TDRD5: variants seen among roughly 807,000 people sequenced by gnomAD.
The protein encoded by TDRD5 is tudor domain containing 5.
A neutral mutation model predicts 120.6 loss-of-function variants in TDRD5; 41 were observed. The ratio of observed to expected loss-of-function variants is 0.34; its 90% CI spans 0.26 to 0.44. The LOEUF (loss-of-function observed/expected upper bound fraction) is 0.44. TDRD5 is among the 20% of genes least tolerant of loss of function. The probability of loss-of-function intolerance (pLI) is 1.00; values close to 1 mark genes in which losing one functional copy is unlikely to be tolerated. For missense variants in TDRD5, 1,006 were observed against 1,221.2 expected (o/e 0.82, Z 2.63); for synonymous variants, 430 against 433.7 (o/e 0.99, Z 0.11).
intron 4 of TDRD5, among the ~76,000 whole-genome samples, chr1:179,610,043 A>T (rs1676201571): frequency 6.6e-6 from 1 of 152,146 alleles, no homozygotes; most frequent in East Asian, 1.9e-4. Context: ...AGGGTGTAGG[A>T]GGGGTGGGTT....
At position 179,614,072 on chromosome 1, in the gene TDRD5, CTG is replaced by C. The variant is rs1219857347; in HGVS notation, c.832-4525_832-4524del. Among the ~76,000 whole-genome samples, 20 of 152,216 alleles carry C rather than the reference CTG, an allele frequency of 1.3e-4. No homozygotes were observed. In the East Asian group the frequency reaches 3.7e-3, roughly 28 times the overall value. ...TAATGTTTCTAAATTATCCAGGTGT[CTG>C]TTTTTAAATTTTTTTATTACAAAAG... On this transcript the variant is annotated intron_variant, in intron 4 of 17. Transcript: ENST00000444136.
chr1:179,636,039 T>A, intron 9 of TDRD5, 152 bp downstream of exon 9: 1 of 513,334 alleles, frequency 1.9e-6, no homozygotes, highest in Non-Finnish European at 3.1e-6. Context: ...TGTAAAATTT[T>A]AATATTAAAA....
intron 11 of TDRD5, among the ~76,000 whole-genome samples, chr1:179,648,259 A>T (rs1232865127): frequency 1.4e-5 from 2 of 146,644 alleles, no homozygotes; most frequent in South Asian, 4.6e-4. Context: ...ATGGAATACT[A>T]TGCAGCCATA....
At chr1:179,641,712 C>T (rs1213011916) in intron 11 of TDRD5, among the ~76,000 whole-genome samples, 1 of 152,064 alleles carries the variant, frequency 6.6e-6, no homozygotes, top group Admixed American at 6.6e-5. Context: ...ATTTTGTATT[C>T]TGCTCTTTTG....
chr1:179,636,001 T>C (rs72706746), intron 9 of TDRD5, 114 bp downstream of exon 9: 8,445 of 774,768 alleles, frequency 0.011, 61 homozygotes, highest in Middle Eastern at 0.03. Context: ...CTTTTTTTTA[T>C]CAGTATTTAT....
At chr1:179,615,987 A>G (rs1676546430) in intron 4 of TDRD5, among the ~76,000 whole-genome samples, 1 of 152,176 alleles carries the variant, frequency 6.6e-6, no homozygotes, top group Admixed American at 6.6e-5. Context: ...ATGAGTGAAT[A>G]TGGCTGTGTT....
intron 4 of TDRD5, among the ~76,000 whole-genome samples, chr1:179,596,870 A>G (rs952074340): frequency 6.6e-6 from 1 of 152,224 alleles, no homozygotes; most frequent in African/African-American, 2.4e-5. Context: ...TGTTGATAAG[A>G]AATTACCATT....
chr1:179,685,317 T>C (rs1425196525), intron 17 of TDRD5, among the ~76,000 whole-genome samples: 1 of 152,216 alleles, frequency 6.6e-6, no homozygotes, highest in East Asian at 1.9e-4. Context: ...TCCCCATTTC[T>C]TGTTTGTGTC....
In TDRD5 at chr1:179,635,901, G is replaced by T. The variant is rs748344828; in HGVS notation, c.1520+14G>T. ...GATTGAAATGCGGTAGGAGTCTGTTGTTTTCAATGTGTTTTTCACATGTCT... is the reference window on the plus strand; with the variant it reads ...GATTGAAATGCGGTAGGAGTCTGTTTTTTTCAATGTGTTTTTCACATGTCT... On this transcript the variant is annotated intron_variant, in intron 9 of 17. Transcript: ENST00000444136. 4 of 1,606,212 alleles carry T rather than the reference G, an allele frequency of 2.5e-6. No individual in the cohort carries two copies. The African/African-American group carries it at 4.0e-5, about 16-fold the overall frequency.
chr1:179,652,217 A>G lies in TDRD5; in HGVS notation c.2160+20A>G, dbSNP rs1170153464. ...ATCTTGGTAAGAGATTTTTGCAAAT[A>G]CTATTATAATTCTTTTTATTACTGT... On this transcript the variant is annotated intron_variant, in intron 13 of 17. Coordinates refer to ENST00000444136, the MANE Select transcript of TDRD5 (RefSeq NM_001199085.3). 2 of 1,584,990 alleles carry G rather than the reference A, an allele frequency of 1.3e-6. No individual in the cohort carries two copies. Among genetic ancestry groups the G allele is most frequent in the Non-Finnish European group, 1.7e-6 (2 of 1,171,430 alleles).
rs537979295 is a variant in TDRD5 at position 179,620,311 on chromosome 1, A to G, written c.916-724A>G. Among the ~76,000 whole-genome samples the G allele has an allele frequency of 3.9e-5, 6 of 152,286 alleles. No homozygotes were observed. In the East Asian group the frequency reaches 1.2e-3, roughly 29 times the overall value. ...AAATTTAGAAAACAAAGATTTTTGT[A>G]CTTTATTGGGATAGAGTAAGTCTAC... On this transcript the variant is annotated intron_variant, in intron 5 of 17. Transcript: ENST00000444136.
chr1:179,661,745 TAG>T (rs1260045275), intron 14 of TDRD5, among the ~76,000 whole-genome samples: 16 of 152,246 alleles, frequency 1.1e-4, no homozygotes, highest in African/African-American at 3.4e-4. Context: ...AAAAACCTTT[TAG>T]TACAAATTTC....
chr1:179,602,952 G>A (rs1675795713), intron 4 of TDRD5, among the ~76,000 whole-genome samples: 1 of 152,086 alleles, frequency 6.6e-6, no homozygotes, highest in Non-Finnish European at 1.5e-5. Flanking sequence ...CGTTGAATTT[G>A]TAGGTTGCTT....
At chr1:179,639,005 C>T (rs1043480128) in intron 9 of TDRD5, among the ~76,000 whole-genome samples, 22 of 152,242 alleles carry the variant, frequency 1.4e-4, no homozygotes, top group African/African-American at 4.6e-4. Context: ...ACTGGCATGT[C>T]TTCCATATAG....
At chr1:179,663,191 A>G (rs1011418890) in intron 15 of TDRD5, among the ~76,000 whole-genome samples, 157 bp from the exon 16 acceptor site, 1 of 152,230 alleles carries the variant, frequency 6.6e-6, no homozygotes, top group African/African-American at 2.4e-5. Flanking sequence ...GTATGGACCA[A>G]TAAAGCAAGG....
chr1:179,656,007 T>C (rs2102077194), intron 14 of TDRD5, among the ~76,000 whole-genome samples: 1 of 152,316 alleles, frequency 6.6e-6, no homozygotes, highest in East Asian at 1.9e-4. Context: ...ATGTGATAAG[T>C]GTATGTCAAA....
At chr1:179,676,128 C>T (rs1360918047) in intron 17 of TDRD5, among the ~76,000 whole-genome samples, 1 of 152,266 alleles carries the variant, frequency 6.6e-6, no homozygotes, top group Admixed American at 6.5e-5. Flanking sequence ...TTTTTAACTG[C>T]AGCTGCTTTA....
chr1:179,677,490 G>C (rs1174276363), intron 17 of TDRD5, among the ~76,000 whole-genome samples: 1 of 152,162 alleles, frequency 6.6e-6, no homozygotes, highest in Admixed American at 6.5e-5. Flanking sequence ...GTATATAAGA[G>C]GGGAGATCTG....
chr1:179,644,299 G>T, intron 11 of TDRD5, among the ~76,000 whole-genome samples: 1 of 152,020 alleles, frequency 6.6e-6, no homozygotes. Flanking sequence ...AAAAGACATA[G>T]AACTTTCAAA....
Sources: allele counts gnomAD v4.1 joint callset (sites outside exome capture counted in the v4.1 genomes callset), GRCh38; gene constraint gnomAD v4.1.1; transcripts MANE v1.5; gene names NCBI Gene and HGNC (gene_info 2026-07-23, HGNC 2026-07-21).